The following CPS1 variants were observed in gnomAD, a reference collection of about 807,000 sequenced individuals.
CPS1 encodes carbamoyl-phosphate synthase 1, also known as carbamoyl-phosphate synthase [ammonia], mitochondrial.
CPS1 carries 109 observed loss-of-function variants against 174.6 expected under a neutral mutation model. That is an observed-to-expected ratio of 0.62 (90% confidence interval 0.53 to 0.73). The LOEUF is 0.73. Ranked by LOEUF, CPS1 falls within the 30% of genes least tolerant of loss-of-function variation. The pLI is 0.00. For missense variants in CPS1, 1,689 were observed against 1,821.9 expected (o/e 0.93, Z 1.33); for synonymous variants, 637 against 632.0 (o/e 1.01, Z -0.12).
At position 210,678,011 on chromosome 2, in the gene CPS1, T is replaced by C; in HGVS notation, c.*26T>C. On this transcript the variant is annotated 3_prime_UTR_variant, in exon 38 of 38. Transcript: ENST00000233072. Reference sequence around the variant, plus strand: ...AGATGCAGACACCCCAGCCCCATTATTAAATCAACCTGAGCCACATGTTAT... The same window carrying C: ...AGATGCAGACACCCCAGCCCCATTACTAAATCAACCTGAGCCACATGTTAT... 1 of 1,534,586 alleles carries C rather than the reference T, an allele frequency of 6.5e-7. No individual in the cohort carries two copies.
Position 210,636,681 on chromosome 2 carries a change from G to T in CPS1, c.2688-1021G>T, listed in dbSNP as rs555045087. Among the ~76,000 whole-genome samples, 8 of 152,082 alleles carry T rather than the reference G, an allele frequency of 5.3e-5. No homozygotes were observed. The South Asian group carries it at 6.2e-4, about 12-fold the overall frequency. ...TATGATTCTATGTCCATCGTTCCAAGCAAAAGAGGCAGTAAAAAGCACAAG... is the reference window on the plus strand; with the variant it reads ...TATGATTCTATGTCCATCGTTCCAATCAAAAGAGGCAGTAAAAAGCACAAG... On this transcript the variant is annotated intron_variant, in intron 21 of 37. Coordinates refer to ENST00000233072, the MANE Select transcript of CPS1 (RefSeq NM_001875.5).
At chr2:210,647,095 A>T (rs770793358) in intron 25 of CPS1, among the ~76,000 whole-genome samples, 9 of 152,156 alleles carry the variant, frequency 5.9e-5, no homozygotes, top group Non-Finnish European at 8.8e-5. Flanking sequence ...TACTGTTGAC[A>T]GGTACCAAGG....
At chr2:210,632,960 G>A (rs2105889667) in intron 21 of CPS1, among the ~76,000 whole-genome samples, 1 of 151,830 alleles carries the variant, frequency 6.6e-6, no homozygotes, top group East Asian at 1.9e-4. Context: ...TTGAAAATTG[G>A]GCAGAAGTTG....
chr2:210,579,809 G>GGTGTGTGTGTGT (rs35833900), intron 5 of CPS1, 39 bp downstream of exon 5: 9 of 1,338,492 alleles, frequency 6.7e-6, no homozygotes, highest in Middle Eastern at 3.6e-4. Context: ...TGTTTCTTCG[G>GGTGTGTGTGTGT]GTGTGTGTGT....
intron 1 of CPS1, among the ~76,000 whole-genome samples, chr2:210,540,695 C>G (rs1170157036): frequency 6.6e-6 from 1 of 152,116 alleles, no homozygotes. Flanking sequence ...GTTAAAGCAA[C>G]TTGTTCAAGG....
Position 210,591,977 on chromosome 2 carries a change from A to G in CPS1, c.1086+8A>G, listed in dbSNP as rs1163849255. The G allele has an allele frequency of 6.2e-7, 1 of 1,609,980 alleles. No homozygotes were observed. The highest frequency in any genetic ancestry group is 8.5e-7 in the Non-Finnish European group (1 of 1,178,262). On this transcript the variant is annotated splice_region_variant and intron_variant, in intron 10 of 37. Transcript: ENST00000233072. ...AACGATCAAACAAATGAGGTAAATG[A>G]TGTCAATAAACCTGTTCAGTTGGTG...
At chr2:210,538,576 T>A (rs1202020860) in intron 1 of CPS1, among the ~76,000 whole-genome samples, 1 of 152,120 alleles carries the variant, frequency 6.6e-6, no homozygotes, top group Non-Finnish European at 1.5e-5. Flanking sequence ...ATGACATTGA[T>A]CCCTATTTAA....
chr2:210,648,528 C>T lies in CPS1; in HGVS notation c.3392C>T (p.Ser1131Phe), dbSNP rs1700456204. The T allele has an allele frequency of 6.2e-7, 1 of 1,613,336 alleles. No individual in the cohort carries two copies. Among genetic ancestry groups the T allele is most frequent in the Non-Finnish European group, 8.5e-7 (1 of 1,179,528 alleles). The change falls in exon 27 of 38, where the codon TCC becomes TTC. Residue 1131 changes from serine to phenylalanine, a missense_variant. Ser to Phe is a radical substitution (Grantham distance 155). Coordinates refer to ENST00000233072, the MANE Select transcript of CPS1 (RefSeq NM_001875.5). ...GACTACCCCTGCTTGTTGAGGCCTTCCTATGTTTTGAGGTAACACTGTATA... is the reference window on the plus strand; with the variant it reads ...GACTACCCCTGCTTGTTGAGGCCTTTCTATGTTTTGAGGTAACACTGTATA... ...SVDYPCLLRP[S>F]YVLSGSAMNV...
intron 33 of CPS1, among the ~76,000 whole-genome samples, chr2:210,665,074 G>A (rs2105928422): frequency 6.6e-6 from 1 of 152,238 alleles, no homozygotes; most frequent in East Asian, 1.9e-4. Flanking sequence ...CTGTGTTGTT[G>A]CATCTGCACT....
At chr2:210,665,603 A>G (rs1574661401) in intron 33 of CPS1, among the ~76,000 whole-genome samples, 1 of 151,382 alleles carries the variant, frequency 6.6e-6, no homozygotes. Flanking sequence ...GCAATAGTTT[A>G]CTGAGAATGA....
intron 30 of CPS1, 81 bp from the exon 31 acceptor site, chr2:210,658,518 A>C: frequency 2.0e-6 from 2 of 1,016,814 alleles, no homozygotes; most frequent in Middle Eastern, 2.1e-4. Flanking sequence ...ATCCAAATTT[A>C]AGGTACTGTG....
intron 1 of CPS1, among the ~76,000 whole-genome samples, chr2:210,487,996 A>C (rs1010387001): frequency 6.6e-6 from 1 of 152,220 alleles, no homozygotes; most frequent in Non-Finnish European, 1.5e-5. Flanking sequence ...TTTTAAAAAA[A>C]GGGCATCTAA....
At chr2:210,493,584 G>A (rs189850305) in intron 1 of CPS1, among the ~76,000 whole-genome samples, 1 of 152,220 alleles carries the variant, frequency 6.6e-6, no homozygotes, top group Non-Finnish European at 1.5e-5. Flanking sequence ...GAAATCCAAT[G>A]CCAATAATGG....
At chr2:210,509,076 A>C (rs1695374736) in intron 1 of CPS1, among the ~76,000 whole-genome samples, 1 of 152,174 alleles carries the variant, frequency 6.6e-6, no homozygotes, top group South Asian at 2.1e-4. Context: ...AGACACAACA[A>C]AAAAAGAGAA....
intron 1 of CPS1, among the ~76,000 whole-genome samples, chr2:210,481,395 G>T (rs984777868): frequency 6.6e-6 from 1 of 152,216 alleles, no homozygotes; most frequent in Non-Finnish European, 1.5e-5. Flanking sequence ...AGGATGGAAA[G>T]TATCCCCTTC....
At chr2:210,586,489 C>A (rs908442635) in intron 6 of CPS1, among the ~76,000 whole-genome samples, 1 of 152,008 alleles carries the variant, frequency 6.6e-6, no homozygotes, top group Admixed American at 6.6e-5. Context: ...TTTAGTCTAG[C>A]ATTTCCTAAA....
chr2:210,645,856 C>T (rs1224970574), intron 25 of CPS1, among the ~76,000 whole-genome samples: 1 of 152,092 alleles, frequency 6.6e-6, no homozygotes, highest in Non-Finnish European at 1.5e-5. Flanking sequence ...AAAATGGGGA[C>T]AGTAATAATC....
At chr2:210,676,932 C>T in intron 36 of CPS1, 75 bp from the exon 37 acceptor site, 1 of 1,457,172 alleles carries the variant, frequency 6.9e-7, no homozygotes, top group Non-Finnish European at 9.6e-7. Context: ...GCTAAGAGAG[C>T]AATTTATGTT....
intron 1 of CPS1, among the ~76,000 whole-genome samples, chr2:210,523,071 G>T (rs1185769862): frequency 6.6e-6 from 1 of 151,954 alleles, no homozygotes; most frequent in Non-Finnish European, 1.5e-5. Flanking sequence ...TAAAGTCCTG[G>T]CCCTAACACT....
Sources: gnomAD v4.1 joint callset for allele counts (sites outside exome capture counted in the v4.1 genomes callset) on GRCh38, gnomAD v4.1.1 for gene constraint, MANE v1.5 for transcripts, NCBI Gene and HGNC (gene_info 2026-07-23, HGNC 2026-07-21) for gene names.